GRM8: variants seen among roughly 807,000 people sequenced by gnomAD.
GRM8 encodes glutamate metabotropic receptor 8.
GRM8 carries 47 observed loss-of-function variants against 87.2 expected under a neutral mutation model. The ratio of observed to expected loss-of-function variants is 0.54; its 90% confidence interval spans 0.43 to 0.69. GRM8 has a LOEUF of 0.69. GRM8 is among the 30% of genes least tolerant of loss of function. The probability of loss-of-function intolerance (pLI) is 0.00; values close to 1 mark genes in which losing one functional copy is unlikely to be tolerated. For synonymous variants in GRM8, 396 were observed against 404.5 expected (o/e 0.98, Z 0.25); for missense variants, 1,019 against 1,139.2 (o/e 0.89, Z 1.52).
intron 7 of GRM8, among the ~76,000 whole-genome samples, chr7:126,644,101 G>A (rs1221012624): frequency 2.0e-5 from 3 of 152,214 alleles, no homozygotes; most frequent in Non-Finnish European, 4.4e-5. Context: ...TCTTACATTA[G>A]ATGGTATCTT....
intron 3 of GRM8, among the ~76,000 whole-genome samples, chr7:127,043,518 A>G (rs1028866645): frequency 2.6e-5 from 4 of 152,162 alleles, no homozygotes; most frequent in African/African-American, 9.7e-5. Context: ...CACAAGAACA[A>G]AAAACCAAAC....
At chr7:126,957,663 T>C (rs1808863413) in intron 3 of GRM8, among the ~76,000 whole-genome samples, 1 of 152,192 alleles carries the variant, frequency 6.6e-6, no homozygotes, top group African/African-American at 2.4e-5. Flanking sequence ...CCCTGCTGCC[T>C]CAGCCCCCTC....
chr7:126,515,671 T>C (rs140389623), intron 9 of GRM8, among the ~76,000 whole-genome samples: 104 of 152,200 alleles, frequency 6.8e-4, no homozygotes, highest in African/African-American at 2.5e-3. Flanking sequence ...TTTTCTGCAT[T>C]CCTTGGCTCA....
intron 3 of GRM8, among the ~76,000 whole-genome samples, chr7:126,921,287 A>G (rs1403254349): frequency 6.6e-6 from 1 of 152,148 alleles, no homozygotes; most frequent in Non-Finnish European, 1.5e-5. Flanking sequence ...TCAATAGATA[A>G]GGTATAAGAG....
Position 126,556,316 on chromosome 7 carries a change from T to C in GRM8, c.1495-22429A>G, listed in dbSNP as rs1273661018. ...AGGGATGACACTACTAGAGTGACAATGGAGAAGCAGTTCTCCTCTTTAAAA... is the reference window on the plus strand; with the variant it reads ...AGGGATGACACTACTAGAGTGACAACGGAGAAGCAGTTCTCCTCTTTAAAA... On this transcript the variant is annotated intron_variant, in intron 8 of 10. Transcript: ENST00000339582. Among the ~76,000 whole-genome samples, 7 of 133,614 alleles carry C rather than the reference T, an allele frequency of 5.2e-5. No individual in the cohort carries two copies. The East Asian group carries it at 1.3e-3, about 25-fold the overall frequency. 87.7% of individuals were successfully genotyped at this position (133,614 alleles called of 152,430 possible).
intron 3 of GRM8, among the ~76,000 whole-genome samples, chr7:126,977,727 C>G (rs1055248923): frequency 3.9e-5 from 6 of 152,180 alleles, no homozygotes; most frequent in Admixed American, 1.3e-4. Context: ...TTCTAAATCT[C>G]AGAATCATAG....
chr7:126,947,060 T>G (rs371446136), intron 3 of GRM8, among the ~76,000 whole-genome samples: 1 of 152,296 alleles, frequency 6.6e-6, no homozygotes, highest in East Asian at 1.9e-4. Context: ...GAGGCTTAAG[T>G]GGGTTATTTT....
At chr7:126,538,757 C>A (rs1230188301) in intron 8 of GRM8, among the ~76,000 whole-genome samples, 1 of 151,956 alleles carries the variant, frequency 6.6e-6, no homozygotes, top group Non-Finnish European at 1.5e-5. Context: ...TATTTTTAAA[C>A]CATTACTCAT....
intron 7 of GRM8, among the ~76,000 whole-genome samples, chr7:126,757,184 G>A (rs10252649): frequency 0.39 from 59,414 of 151,832 alleles, 12,824 homozygotes; most frequent in Non-Finnish European, 0.48. Flanking sequence ...AAATGAAGCC[G>A]GACATTTAAA....
chr7:126,590,637 C>G (rs1416141619), intron 8 of GRM8, among the ~76,000 whole-genome samples: 2 of 152,104 alleles, frequency 1.3e-5, no homozygotes, highest in East Asian at 3.9e-4. Flanking sequence ...TGCCATGTAA[C>G]CTGTAAAGGA....
intron 6 of GRM8, among the ~76,000 whole-genome samples, chr7:126,775,494 T>TG (rs1563176401): frequency 3.3e-5 from 5 of 149,832 alleles, no homozygotes; most frequent in African/African-American, 1.2e-4. Flanking sequence ...TTTTTTTTTT[T>TG]TTTTTTTTTT....
At chr7:126,483,771 CCCTT>C (rs1313234699) in intron 9 of GRM8, among the ~76,000 whole-genome samples, 5 of 112,182 alleles carry the variant, frequency 4.5e-5, no homozygotes, top group African/African-American at 1.7e-4. Context: ...CTCCCTCCCT[CCCTT>C]CCTCCCCTCC....
intron 2 of GRM8, chr7:127,228,963 A>AT (rs1436843444): frequency 1.3e-5 from 2 of 152,192 alleles, no homozygotes; most frequent in African/African-American, 2.4e-5. Flanking sequence ...ACATCATAAC[A>AT]TTTTTTAAAA....
intron 7 of GRM8, among the ~76,000 whole-genome samples, chr7:126,679,731 A>T (rs1464161475): frequency 1.3e-5 from 2 of 152,212 alleles, no homozygotes; most frequent in African/African-American, 4.8e-5. Context: ...GGGTCTCATT[A>T]AAGATGGAAC....
intron 3 of GRM8, among the ~76,000 whole-genome samples, chr7:127,093,421 C>T (rs1194400722): frequency 6.6e-6 from 1 of 152,126 alleles, no homozygotes. Context: ...CATCAAGCAA[C>T]ATTTTAAAGG....
intron 8 of GRM8, among the ~76,000 whole-genome samples, chr7:126,589,453 C>T (rs894827993): frequency 5.9e-5 from 9 of 152,118 alleles, no homozygotes; most frequent in Non-Finnish European, 1.3e-4. Context: ...ACCCATCCCC[C>T]ACAGCAGCTG....
chr7:126,564,599 C>T (rs907482587), intron 8 of GRM8, among the ~76,000 whole-genome samples: 6 of 151,886 alleles, frequency 4.0e-5, no homozygotes, highest in Non-Finnish European at 7.4e-5. Flanking sequence ...AAAAAATGTC[C>T]CTACAAAGAA....
intron 3 of GRM8, among the ~76,000 whole-genome samples, chr7:127,092,950 C>T (rs888145832): frequency 2.6e-5 from 4 of 152,182 alleles, no homozygotes; most frequent in African/African-American, 4.8e-5. Context: ...GCTCCTTCCT[C>T]GGTCCAGGCC....
At chr7:126,708,722 C>T (rs969139828) in intron 7 of GRM8, among the ~76,000 whole-genome samples, 1 of 151,902 alleles carries the variant, frequency 6.6e-6, no homozygotes, top group African/African-American at 2.4e-5. Context: ...AAAAATACCT[C>T]ATAAACTCAG....
Sources: allele counts gnomAD v4.1 joint callset (sites outside exome capture counted in the v4.1 genomes callset), GRCh38; gene constraint gnomAD v4.1.1; transcripts MANE v1.5; gene names NCBI Gene and HGNC (gene_info 2026-07-23, HGNC 2026-07-21).